Variants in ZBTB16 observed in about 807,000 individuals in gnomAD.
ZBTB16 encodes the protein zinc finger and BTB domain-containing protein 16.
A neutral mutation model predicts 56.8 loss-of-function variants in ZBTB16; 8 were observed. That is an observed-to-expected ratio of 0.14 (90% CI 0.08 to 0.25). The LOEUF (loss-of-function observed/expected upper bound fraction) is 0.25, where lower values mean the gene tolerates loss of function less well. Among genes scored for constraint, ZBTB16 ranks in the 10% least tolerant of loss-of-function variants. ZBTB16 has a pLI of 1.00. For missense variants in ZBTB16, 625 were observed against 903.0 expected (o/e 0.69, Z 3.95); for synonymous variants, 363 against 368.5 (o/e 0.98, Z 0.17).
intron 2 of ZBTB16, among the ~76,000 whole-genome samples, chr11:114,151,554 A>G (rs1444437955): frequency 6.6e-6 from 1 of 152,026 alleles, no homozygotes; most frequent in Admixed American, 6.6e-5. Flanking sequence ...GACAATTTCA[A>G]CCCTTGGATT....
In ZBTB16 at chr11:114,125,090, T is replaced by C. The variant is rs116439080; in HGVS notation, c.1269-31247T>C. Among the ~76,000 whole-genome samples the C allele has an allele frequency of 4.7e-3, 714 of 152,052 alleles. 9 individuals carry two copies. Among genetic ancestry groups the C allele is most frequent in the African/African-American group, 0.017 (685 of 41,428 alleles). Reference sequence around the variant, plus strand: ...CTCATCTGCCTGTTTTCCTTTATAGTTCTATTGGAGTTAAAAAAAAAATGA... The same window carrying C: ...CTCATCTGCCTGTTTTCCTTTATAGCTCTATTGGAGTTAAAAAAAAAATGA... On this transcript the variant is annotated intron_variant, in intron 2 of 6. Coordinates refer to ENST00000335953, the MANE Select transcript of ZBTB16 (RefSeq NM_006006.6).
chr11:114,244,367 G>A (rs537781093), intron 5 of ZBTB16, among the ~76,000 whole-genome samples: 26 of 151,944 alleles, frequency 1.7e-4, no homozygotes, highest in African/African-American at 5.6e-4. Flanking sequence ...GGACAGATTG[G>A]GGGGGGCGGG....
chr11:114,145,461 A>G (rs1378150771), intron 2 of ZBTB16, among the ~76,000 whole-genome samples: 1 of 152,248 alleles, frequency 6.6e-6, no homozygotes, highest in Non-Finnish European at 1.5e-5. Flanking sequence ...GTATATCCCT[A>G]CAGAGGAACA....
At chr11:114,213,677 C>T (rs1352764148) in intron 4 of ZBTB16, among the ~76,000 whole-genome samples, 2 of 152,192 alleles carry the variant, frequency 1.3e-5, no homozygotes, top group Non-Finnish European at 2.9e-5. Flanking sequence ...CAGGGCTAGA[C>T]ATAGGTAGCC....
intron 2 of ZBTB16, among the ~76,000 whole-genome samples, chr11:114,148,164 C>T (rs1218989878): frequency 1.3e-5 from 2 of 152,180 alleles, no homozygotes; most frequent in South Asian, 2.1e-4. Context: ...TTTTAGCACT[C>T]GCAGGCAGCC....
intron 4 of ZBTB16, chr11:114,188,221 T>C (rs1164403011): frequency 6.6e-6 from 1 of 152,322 alleles, no homozygotes; most frequent in East Asian, 1.9e-4. Context: ...CGTGATCCCA[T>C]CTGGCCAATC....
At chr11:114,232,238 C>T (rs1944453884) in intron 4 of ZBTB16, among the ~76,000 whole-genome samples, 1 of 152,142 alleles carries the variant, frequency 6.6e-6, no homozygotes, top group African/African-American at 2.4e-5. Flanking sequence ...GAATACATGC[C>T]AGGGAATGGA....
At chr11:114,068,798 A>G (rs1344384763) in intron 2 of ZBTB16, among the ~76,000 whole-genome samples, 1 of 152,162 alleles carries the variant, frequency 6.6e-6, no homozygotes, top group East Asian at 1.9e-4. Context: ...TTCTCTGGAA[A>G]TGGTCTAGGA....
chr11:114,182,953 G>A (rs748406576), intron 3 of ZBTB16, among the ~76,000 whole-genome samples: 10 of 152,132 alleles, frequency 6.6e-5, no homozygotes, highest in Non-Finnish European at 1.3e-4. Context: ...TTAATTTCAG[G>A]GCTGCCAAAT....
At position 114,242,171 on chromosome 11, in the gene ZBTB16, T is replaced by G; in HGVS notation, c.1458T>G (p.Thr486=). The G allele has an allele frequency of 6.2e-7, 1 of 1,613,696 alleles. No individual in the cohort carries two copies. The highest frequency in any genetic ancestry group is 1.1e-5 in the South Asian group (1 of 91,082). The part of the protein sequence containing the change: ...LETHRQTHTG[T]DMAVFCLLCG... ...CCCCTCTCCTGTCTCCCACAGGCAC[T>G]GACATGGCCGTCTTCTGTCTGCTGT... The change falls in exon 5 of 7, where the codon ACT becomes ACG. Residue 486 remains threonine (T), a synonymous_variant. Coordinates refer to ENST00000335953, the MANE Select transcript of ZBTB16 (RefSeq NM_006006.6).
At chr11:114,156,472 G>A in intron 3 of ZBTB16, 38 bp downstream of exon 3, 1 of 1,595,380 alleles carries the variant, frequency 6.3e-7, no homozygotes. Flanking sequence ...TCAGATACAG[G>A]CAACCATCTC....
intron 3 of ZBTB16, among the ~76,000 whole-genome samples, chr11:114,183,374 C>G (rs1943294662): frequency 6.6e-6 from 1 of 152,212 alleles, no homozygotes; most frequent in African/African-American, 2.4e-5. Context: ...CTGTCTTCAT[C>G]TTCCTCTGCA....
intron 3 of ZBTB16, among the ~76,000 whole-genome samples, chr11:114,178,601 C>G (rs908054938): frequency 2.0e-5 from 3 of 151,564 alleles, no homozygotes; most frequent in African/African-American, 7.3e-5. Context: ...AAAGGGGTAA[C>G]AAAAGAGCTT....
At chr11:114,082,777 T>C (rs1381775402) in intron 2 of ZBTB16, among the ~76,000 whole-genome samples, 2 of 151,970 alleles carry the variant, frequency 1.3e-5, no homozygotes, top group Non-Finnish European at 2.9e-5. Flanking sequence ...AGAGGGGGTC[T>C]TCAGCTGTCA....
intron 4 of ZBTB16, among the ~76,000 whole-genome samples, chr11:114,234,275 C>T (rs1427246461): frequency 6.6e-6 from 1 of 152,162 alleles, no homozygotes; most frequent in East Asian, 1.9e-4. Flanking sequence ...TGGCTCTTAG[C>T]TTGGTTTGGG....
At chr11:114,223,557 TATTA>T (rs1169156275) in intron 4 of ZBTB16, among the ~76,000 whole-genome samples, 1 of 152,230 alleles carries the variant, frequency 6.6e-6, no homozygotes, top group Non-Finnish European at 1.5e-5. Context: ...TTTATTTGTT[TATTA>T]ATTCATTCGG....
intron 2 of ZBTB16, among the ~76,000 whole-genome samples, chr11:114,112,544 G>T (rs2137782676): frequency 6.6e-6 from 1 of 152,180 alleles, no homozygotes; most frequent in South Asian, 2.1e-4. Flanking sequence ...TAAAAAAGTT[G>T]GCTGTCGTCA....
chr11:114,151,168 C>T (rs1942269586), intron 2 of ZBTB16, among the ~76,000 whole-genome samples: 1 of 152,076 alleles, frequency 6.6e-6, no homozygotes, highest in Non-Finnish European at 1.5e-5. Flanking sequence ...GATCAAAAAG[C>T]CCAAAGCATC....
intron 2 of ZBTB16, among the ~76,000 whole-genome samples, chr11:114,123,159 C>T (rs1373571060): frequency 1.3e-5 from 2 of 152,156 alleles, no homozygotes; most frequent in African/African-American, 4.8e-5. Flanking sequence ...TTAATTACTT[C>T]CTTACGGGTT....
Sources: allele counts gnomAD v4.1 joint callset (sites outside exome capture counted in the v4.1 genomes callset), GRCh38; gene constraint gnomAD v4.1.1; transcripts MANE v1.5; gene names NCBI Gene and HGNC (gene_info 2026-07-23, HGNC 2026-07-21).